The following OMA1 variants were observed in gnomAD, a reference collection of about 807,000 sequenced individuals.
OMA1 encodes metalloendopeptidase OMA1, mitochondrial.
In OMA1, 38 loss-of-function variants were observed where a neutral mutation model predicts 30.9. The observed-to-expected ratio is 1.23, with a 90% CI of 0.95 to 1.61. The LOEUF is 1.61. OMA1 is among the 40% of genes most tolerant of loss of function. The probability of loss-of-function intolerance (pLI) is 0.00; values close to 1 mark genes in which losing one functional copy is unlikely to be tolerated. For synonymous variants in OMA1, 173 were observed against 121.9 expected (o/e 1.42, Z -2.76); for missense variants, 461 against 349.2 (o/e 1.32, Z -2.55).
intron 7 of OMA1, among the ~76,000 whole-genome samples, chr1:58,509,027 T>C (rs539304101): frequency 1.3e-5 from 2 of 152,050 alleles, no homozygotes; most frequent in Non-Finnish European, 2.9e-5. Context: ...TGGACTAGCA[T>C]GAAGGTTTGA....
At position 58,523,727 on chromosome 1, in the gene OMA1, A is replaced by G. The variant is rs564379941; in HGVS notation, c.1215+3534T>C. Among the ~76,000 whole-genome samples, 32 of 152,178 alleles carry G rather than the reference A, an allele frequency of 2.1e-4. No homozygotes were observed. In the East Asian group the frequency reaches 3.5e-3, roughly 17 times the overall value. ...ATCCTGGCTAACACGGTGAAACCCCATCTCTACTAAAAACACAAAAAATTA... is the reference window on the plus strand; with the variant it reads ...ATCCTGGCTAACACGGTGAAACCCCGTCTCTACTAAAAACACAAAAAATTA... On this transcript the variant is annotated intron_variant, in intron 7 of 8. Coordinates refer to ENST00000371226, the MANE Select transcript of OMA1 (RefSeq NM_145243.5).
intron 8 of OMA1, among the ~76,000 whole-genome samples, chr1:58,490,967 G>A (rs1314829197): frequency 7.3e-5 from 11 of 151,488 alleles, no homozygotes; most frequent in South Asian, 4.2e-4. Context: ...TACCAAGCCC[G>A]GCTAAATTTT....
At chr1:58,523,871 C>G (rs1478138866) in intron 7 of OMA1, among the ~76,000 whole-genome samples, 1 of 152,084 alleles carries the variant, frequency 6.6e-6, no homozygotes, top group Non-Finnish European at 1.5e-5. Flanking sequence ...TGCACTCCAG[C>G]CTGGGTGACA....
chr1:58,544,290 G>A (rs1231977973), intron 1 of OMA1, among the ~76,000 whole-genome samples: 1 of 152,086 alleles, frequency 6.6e-6, no homozygotes, highest in African/African-American at 2.4e-5. Flanking sequence ...AATGTTTAAT[G>A]AGTGCCCACT....
chr1:58,518,664 T>C (rs1389848948), intron 7 of OMA1, among the ~76,000 whole-genome samples: 28 of 151,866 alleles, frequency 1.8e-4, no homozygotes, highest in Admixed American at 1.8e-3. Flanking sequence ...GGGTTTTTTT[T>C]CCAAAAGCAA....
intron 8 of OMA1, among the ~76,000 whole-genome samples, chr1:58,485,178 C>G (rs1042395973): frequency 1.6e-5 from 2 of 124,456 alleles, no homozygotes; most frequent in Admixed American, 9.8e-5. Context: ...ATACCTTCTA[C>G]TCAATTAAAA....
chr1:58,507,542 A>C (rs1354717585), intron 7 of OMA1, among the ~76,000 whole-genome samples: 2 of 152,054 alleles, frequency 1.3e-5, no homozygotes, highest in African/African-American at 4.8e-5. Context: ...AAAAGAATTC[A>C]AGGTACTTTA....
At chr1:58,494,058 A>G (rs1044035880) in intron 8 of OMA1, among the ~76,000 whole-genome samples, 1 of 152,170 alleles carries the variant, frequency 6.6e-6, no homozygotes, top group African/African-American at 2.4e-5. Flanking sequence ...TGGTACTGGT[A>G]CCAAAACAGA....
chr1:58,525,687 T>C (rs1312424350), intron 7 of OMA1, among the ~76,000 whole-genome samples: 2 of 152,182 alleles, frequency 1.3e-5, no homozygotes, highest in African/African-American at 4.8e-5. Flanking sequence ...AAACCCCATG[T>C]GTTTTTCTAT....
In OMA1 at chr1:58,539,687, A is replaced by G. The variant is rs191026673; in HGVS notation, c.-16-377T>C. ...AAGGAAGCATGTGATACAGAATAGT[A>G]AAATCTAACTTATAAAATGCACTGG... On this transcript the variant is annotated intron_variant, in intron 1 of 8. Coordinates refer to ENST00000371226, the MANE Select transcript of OMA1 (RefSeq NM_145243.5). Among the ~76,000 whole-genome samples the G allele has an allele frequency of 1.1e-4, 16 of 152,346 alleles. No individual in the cohort carries two copies. The East Asian group carries it at 2.7e-3, about 26-fold the overall frequency.
rs1466857443 is a variant in OMA1, at chr1:58,481,832, TG to T, written c.1366-659del. Among the ~76,000 whole-genome samples, 12 of 152,214 alleles carry T rather than the reference TG, an allele frequency of 7.9e-5. No individual in the cohort carries two copies. The East Asian group carries it at 2.1e-3, about 27-fold the overall frequency. On this transcript the variant is annotated intron_variant, in intron 8 of 8. Coordinates refer to ENST00000371226, the MANE Select transcript of OMA1 (RefSeq NM_145243.5). Reference sequence around the variant, plus strand: ...GCATATGCTCTCTTGACTGCCGCCATGTAAGACATGACTTTTCTCCTCATTC... The same window carrying T: ...GCATATGCTCTCTTGACTGCCGCCATTAAGACATGACTTTTCTCCTCATTC...
intron 7 of OMA1, among the ~76,000 whole-genome samples, chr1:58,526,552 A>G (rs1646352167): frequency 6.6e-6 from 1 of 151,638 alleles, no homozygotes; most frequent in Admixed American, 6.6e-5. Flanking sequence ...GACAGGAACA[A>G]AGTCAACTTA....
At chr1:58,540,058 G>C (rs1190894561) in intron 1 of OMA1, among the ~76,000 whole-genome samples, 2 of 152,076 alleles carry the variant, frequency 1.3e-5, no homozygotes, top group South Asian at 4.1e-4. Flanking sequence ...AGATTGCAGG[G>C]AATAATATAC....
chr1:58,492,516 T>G (rs1205970208), intron 8 of OMA1, among the ~76,000 whole-genome samples: 1 of 151,978 alleles, frequency 6.6e-6, no homozygotes, highest in South Asian at 2.1e-4. Context: ...GATAGACCAC[T>G]AGCAAGACTA....
intron 4 of OMA1, 28 bp downstream of exon 4, chr1:58,534,130 T>C (rs773487263): frequency 1.2e-6 from 1 of 867,448 alleles, no homozygotes; most frequent in South Asian, 1.3e-5. Context: ...ATTTAACAAT[T>C]ACAATGCGTT....
intron 1 of OMA1, among the ~76,000 whole-genome samples, chr1:58,541,998 T>C (rs1255596126): frequency 1.3e-5 from 2 of 152,240 alleles, no homozygotes; most frequent in Admixed American, 6.5e-5. Context: ...CGATATTATC[T>C]AGAAAGATGC....
intron 8 of OMA1, 55 bp from the exon 9 acceptor site, chr1:58,481,229 G>C (rs540387191): frequency 1.2e-4 from 67 of 581,060 alleles, no homozygotes; most frequent in African/African-American, 1.0e-3. Context: ...AATGTATTCA[G>C]ATTGTTTCAG....
At chr1:58,542,918 G>C (rs1338298240) in intron 1 of OMA1, among the ~76,000 whole-genome samples, 1 of 152,102 alleles carries the variant, frequency 6.6e-6, no homozygotes, top group Non-Finnish European at 1.5e-5. Flanking sequence ...GCATGTGTAA[G>C]TTGGGTCTAC....
chr1:58,533,834 C>T (rs1646474298), intron 5 of OMA1, 119 bp downstream of exon 5: 1 of 688,052 alleles, frequency 1.5e-6, no homozygotes, highest in African/African-American at 1.8e-5. Context: ...AAGGCAATTA[C>T]CCAAAACTAA....
Sources: gnomAD v4.1 joint callset for allele counts (sites outside exome capture counted in the v4.1 genomes callset) on GRCh38, gnomAD v4.1.1 for gene constraint, MANE v1.5 for transcripts, NCBI Gene and HGNC (gene_info 2026-07-23, HGNC 2026-07-21) for gene names.